CDC42BPA: variants seen among roughly 807,000 people sequenced by gnomAD.
CDC42BPA encodes serine/threonine-protein kinase MRCK alpha.
A neutral mutation model predicts 223.5 loss-of-function variants in CDC42BPA; 80 were observed. That is an observed-to-expected ratio of 0.36 (90% CI 0.30 to 0.43). The LOEUF (loss-of-function observed/expected upper bound fraction) is 0.43, where lower values mean the gene tolerates loss of function less well. Among genes scored for constraint, CDC42BPA ranks in the 20% least tolerant of loss-of-function variants. The pLI, the probability that CDC42BPA is intolerant of heterozygous loss-of-function variation, is 1.00. For synonymous variants in CDC42BPA, 694 were observed against 718.6 expected, an observed-to-expected ratio of 0.97 and a Z score of 0.55; for missense variants, 1,743 against 2,099.9, an observed-to-expected ratio of 0.83 and a Z score of 3.32.
intron 6 of CDC42BPA, among the ~76,000 whole-genome samples, chr1:227,155,150 C>A (rs1662497764): frequency 6.6e-6 from 1 of 152,088 alleles, no homozygotes; most frequent in Non-Finnish European, 1.5e-5. Context: ...AGTCAACAAT[C>A]ATAACATTTC....
At chr1:227,222,300 G>A (rs1173028621) in intron 2 of CDC42BPA, among the ~76,000 whole-genome samples, 1 of 151,910 alleles carries the variant, frequency 6.6e-6, no homozygotes, top group African/African-American at 2.4e-5. Context: ...CTTAAAGTTA[G>A]GAGTTTGAGA....
chr1:227,317,003 A>C lies in CDC42BPA; in HGVS notation c.178+2T>G. 1.2e-6 allele frequency: 2 copies of C among 1,609,156 alleles called. No individual in the cohort carries two copies. Among genetic ancestry groups the C allele is most frequent in the Non-Finnish European group, 1.7e-6 (2 of 1,175,866 alleles). On this transcript the variant is annotated splice_donor_variant, in intron 1 of 36. Transcript: ENST00000366766. LOFTEE classifies it high-confidence loss of function. ...CAGTTTCTTTAAAAATTACAAACTT[A>C]CCCCATTCTAGGTATTCGAGAATGT...
intron 11 of CDC42BPA, among the ~76,000 whole-genome samples, chr1:227,122,577 C>T (rs987631324): frequency 8.5e-5 from 13 of 152,160 alleles, no homozygotes; most frequent in Non-Finnish European, 1.5e-5. Context: ...GTCAAATTTC[C>T]CTGTTTTATA....
chr1:227,070,431 T>A (rs1290727591), intron 20 of CDC42BPA, among the ~76,000 whole-genome samples: 1 of 151,848 alleles, frequency 6.6e-6, no homozygotes, highest in African/African-American at 2.4e-5. Flanking sequence ...ACTATGGCAT[T>A]AACTTTAAAT....
At chr1:227,069,952 C>T (rs1392800743) in intron 20 of CDC42BPA, 99 bp from the exon 21 acceptor site, 1 of 703,714 alleles carries the variant, frequency 1.4e-6, no homozygotes, top group Non-Finnish European at 2.4e-6. Flanking sequence ...AGTTCACAAA[C>T]TACTGTATTT....
At chr1:227,174,880 T>C (rs1343901674) in intron 5 of CDC42BPA, among the ~76,000 whole-genome samples, 1 of 152,202 alleles carries the variant, frequency 6.6e-6, no homozygotes, top group East Asian at 1.9e-4. Flanking sequence ...TGTAACCTGC[T>C]TGCCCTCAGG....
chr1:227,116,945 T>G (rs1346333658), intron 12 of CDC42BPA, among the ~76,000 whole-genome samples: 1 of 152,180 alleles, frequency 6.6e-6, no homozygotes, highest in Non-Finnish European at 1.5e-5. Flanking sequence ...TCCAAAGGGT[T>G]AGAGAAAGAA....
At chr1:227,246,848 C>T (rs1280117358) in intron 2 of CDC42BPA, among the ~76,000 whole-genome samples, 1 of 152,158 alleles carries the variant, frequency 6.6e-6, no homozygotes, top group Non-Finnish European at 1.5e-5. Flanking sequence ...CTAAATAAGG[C>T]ACTGGGGATC....
chr1:227,129,694 A>AAAAAAAAAAAAAC, intron 10 of CDC42BPA, among the ~76,000 whole-genome samples: 1 of 88,388 alleles, frequency 1.1e-5, no homozygotes, highest in East Asian at 2.7e-4. Flanking sequence ...AAAAAAAAAA[A>AAAAAAAAAAAAAC]TCCACTGCAT....
chr1:227,141,874 C>G (rs773750324), intron 9 of CDC42BPA, among the ~76,000 whole-genome samples: 4 of 152,118 alleles, frequency 2.6e-5, no homozygotes, highest in Non-Finnish European at 5.9e-5. Flanking sequence ...GAGGCTGAGG[C>G]AGGGGGATCA....
At chr1:227,035,416 T>C in intron 25 of CDC42BPA, 55 bp downstream of exon 25, 1 of 1,363,330 alleles carries the variant, frequency 7.3e-7, no homozygotes, top group East Asian at 2.4e-5. Flanking sequence ...GATTTGATTT[T>C]AATTCATTAA....
rs1172245753 is a variant in CDC42BPA at position 226,994,687 on chromosome 1, C to T, written c.5133+136G>A. ...AGCCCGAGTGACTGGCCTAGCTGCC[C>T]GCTGGCCAAGAGTGAATGCTGGCCC... is the stretch of plus-strand genomic sequence containing the variant. On this transcript the variant is annotated intron_variant, in intron 36 of 36. Transcript: ENST00000366766. The surrounding 1 kb of genome is among the most constrained non-coding windows in gnomAD (Gnocchi z 4.0). 3.2e-6 allele frequency: 3 copies of T among 937,912 alleles called. No individual in the cohort carries two copies. The highest frequency in any genetic ancestry group is 1.7e-5 in the South Asian group (1 of 59,558). 58.1% of individuals were successfully genotyped at this position (937,912 alleles called of 1,614,324 possible).
intron 11 of CDC42BPA, among the ~76,000 whole-genome samples, chr1:227,127,551 T>C (rs1299377471): frequency 6.6e-6 from 1 of 152,244 alleles, no homozygotes; most frequent in Admixed American, 6.5e-5. Context: ...CCATTCTAGC[T>C]GGTCTTCTGT....
chr1:227,055,098 C>CAGA (rs1272237083), intron 21 of CDC42BPA, among the ~76,000 whole-genome samples: 2 of 151,880 alleles, frequency 1.3e-5, no homozygotes, highest in East Asian at 3.8e-4. Context: ...ACTTTACTTT[C>CAGA]AAAGTGTGTT....
At chr1:227,127,583 T>TAC (rs1656097756) in intron 11 of CDC42BPA, among the ~76,000 whole-genome samples, 1 of 152,226 alleles carries the variant, frequency 6.6e-6, no homozygotes, top group Non-Finnish European at 1.5e-5. Flanking sequence ...TTTAGTGTCA[T>TAC]ACAACTCTAA....
intron 16 of CDC42BPA, among the ~76,000 whole-genome samples, chr1:227,082,348 G>A (rs887074461): frequency 1.3e-5 from 2 of 151,938 alleles, no homozygotes; most frequent in South Asian, 2.1e-4. Flanking sequence ...TGCCTGGCCC[G>A]ATACATCTTT....
At chr1:227,302,897 C>G (rs112090882) in intron 1 of CDC42BPA, among the ~76,000 whole-genome samples, 2 of 110,260 alleles carry the variant, frequency 1.8e-5, no homozygotes, top group African/African-American at 8.3e-5. Context: ...TTTCAAAGAA[C>G]TTTTTTCATT....
At chr1:227,137,500 T>C (rs1361667851) in intron 10 of CDC42BPA, among the ~76,000 whole-genome samples, 1 of 152,074 alleles carries the variant, frequency 6.6e-6, no homozygotes, top group Admixed American at 6.6e-5. Flanking sequence ...CCAGAAATTG[T>C]ACTCCCAGGT....
In CDC42BPA at chr1:227,185,101, C is replaced by T. The variant is rs1487248496; in HGVS notation, c.599+8685G>A. Among the ~76,000 whole-genome samples, 8 of 152,096 alleles carry T rather than the reference C, an allele frequency of 5.3e-5. No individual in the cohort carries two copies. In the East Asian group the frequency reaches 1.2e-3, roughly 22 times the overall value. The stretch of plus-strand genomic sequence containing the variant: ...ACAAGCTGTTATTTTTCCAGCTAGT[C>T]ATTTAACACTTTAATTAGCATCTTT... On this transcript the variant is annotated intron_variant, in intron 5 of 36. Coordinates refer to ENST00000366766, the MANE Select transcript of CDC42BPA (RefSeq NM_001394014.1).
Sources: gnomAD v4.1 joint callset for allele counts (sites outside exome capture counted in the v4.1 genomes callset) on GRCh38, gnomAD v4.1.1 for gene constraint, Gnocchi (gnomAD v3.1) non-coding constraint, MANE v1.5 for transcripts, NCBI Gene and HGNC (gene_info 2026-07-23, HGNC 2026-07-21) for gene names.